Variants in SPATA17 observed in about 807,000 individuals in gnomAD.
SPATA17 encodes spermatogenesis-associated protein 17.
In SPATA17, 53 loss-of-function variants were observed where a neutral mutation model predicts 62.2. That is an observed-to-expected ratio of 0.85 (90% CI 0.68 to 1.07). The LOEUF (loss-of-function observed/expected upper bound fraction) is 1.07, where lower values mean the gene tolerates loss of function less well. SPATA17 is among the 50% of genes least tolerant of loss of function. SPATA17 has a pLI of 0.00. For synonymous variants in SPATA17, 146 were observed against 146.8 expected, an observed-to-expected ratio of 0.99 and a Z score of 0.04; for missense variants, 466 against 425.5, an observed-to-expected ratio of 1.10 and a Z score of -0.84.
chr1:217,749,137 C>G (rs945127560), intron 6 of SPATA17, among the ~76,000 whole-genome samples: 3 of 152,110 alleles, frequency 2.0e-5, no homozygotes, highest in Non-Finnish European at 2.9e-5. Flanking sequence ...GATAGGGAAA[C>G]TCGAGTAATG....
At chr1:217,684,358 A>T (rs2102907110) in intron 5 of SPATA17, among the ~76,000 whole-genome samples, 1 of 152,336 alleles carries the variant, frequency 6.6e-6, no homozygotes, top group African/African-American at 2.4e-5. Flanking sequence ...GTTGGTATTT[A>T]TAGAACAGTC....
intron 6 of SPATA17, among the ~76,000 whole-genome samples, chr1:217,757,875 T>A (rs1242344965): frequency 6.6e-6 from 1 of 152,216 alleles, no homozygotes; most frequent in Admixed American, 6.5e-5. Flanking sequence ...TAGGATCATG[T>A]AAGGATGCTT....
intron 5 of SPATA17, among the ~76,000 whole-genome samples, chr1:217,725,451 T>A (rs951971672): frequency 6.6e-6 from 1 of 152,138 alleles, no homozygotes; most frequent in African/African-American, 2.4e-5. Flanking sequence ...CCAAATTGTG[T>A]TTTTATTTTA....
intron 9 of SPATA17, among the ~76,000 whole-genome samples, chr1:217,807,291 G>A (rs1240208186): frequency 2.6e-5 from 4 of 151,974 alleles, no homozygotes; most frequent in Non-Finnish European, 5.9e-5. Flanking sequence ...GGCAAGGGTT[G>A]AAAAACTACC....
At chr1:217,857,545 G>A (rs563312068) in intron 9 of SPATA17, among the ~76,000 whole-genome samples, 15 of 152,298 alleles carry the variant, frequency 9.8e-5, no homozygotes, top group African/African-American at 2.6e-4. Context: ...TTTCAGAAAA[G>A]CAGTTCCCCA....
intron 5 of SPATA17, among the ~76,000 whole-genome samples, chr1:217,739,781 C>T (rs769702436): frequency 6.6e-6 from 1 of 152,020 alleles, no homozygotes; most frequent in Non-Finnish European, 1.5e-5. Flanking sequence ...GAATGTTTGA[C>T]ATAAATATTA....
intron 6 of SPATA17, among the ~76,000 whole-genome samples, chr1:217,755,658 G>C (rs1313289372): frequency 6.6e-6 from 1 of 151,800 alleles, no homozygotes; most frequent in Non-Finnish European, 1.5e-5. Flanking sequence ...GTAAACATAT[G>C]TATGCATATA....
chr1:217,728,096 A>G (rs757792284), intron 5 of SPATA17, among the ~76,000 whole-genome samples: 11 of 152,198 alleles, frequency 7.2e-5, no homozygotes, highest in South Asian at 2.1e-4. Context: ...TATAAGAAAT[A>G]AAAGAACAGT....
intron 9 of SPATA17, among the ~76,000 whole-genome samples, chr1:217,806,234 T>C (rs1043510362): frequency 2.6e-5 from 4 of 152,230 alleles, no homozygotes; most frequent in African/African-American, 4.8e-5. Context: ...TCCTCTGGGA[T>C]GGCAGGGTCA....
rs770276149 is a variant in SPATA17 at position 217,631,424 on chromosome 1, A to C, written c.46A>C (p.Asn16His). The C allele has an allele frequency of 1.2e-6, 2 of 1,614,164 alleles. No individual in the cohort carries two copies. Among genetic ancestry groups the C allele is most frequent in the South Asian group, 2.2e-5 (2 of 91,084 alleles). ...GCAAGCTAGGTCGTCGACTGTAGGAAATCAGTACTACTTTAGGAACAGGTA... is the reference window on the plus strand; with the variant it reads ...GCAAGCTAGGTCGTCGACTGTAGGACATCAGTACTACTTTAGGAACAGGTA... ...RLQARSSTVG[N>H]QYYFRNSVVD... Residue 16 changes from asparagine to histidine, a missense_variant, in exon 1 of 11, where the codon AAT (asparagine) becomes CAT (histidine). By Grantham distance (68) the Asn-to-His change is moderately conservative (BLOSUM62 1). Coordinates refer to ENST00000366933, the MANE Select transcript of SPATA17 (RefSeq NM_138796.4).
intron 9 of SPATA17, among the ~76,000 whole-genome samples, chr1:217,829,502 C>T (rs1675082120): frequency 6.6e-6 from 1 of 151,666 alleles, no homozygotes; most frequent in South Asian, 2.1e-4. Flanking sequence ...GTGGCCCACA[C>T]CTGTAATCCC....
chr1:217,636,675 C>T (rs1193799671), intron 1 of SPATA17, among the ~76,000 whole-genome samples: 3 of 152,172 alleles, frequency 2.0e-5, no homozygotes, highest in East Asian at 3.9e-4. Context: ...CTGCCCACCT[C>T]GGCCTCCCAA....
chr1:217,655,580 T>C (rs903627686), intron 3 of SPATA17, among the ~76,000 whole-genome samples: 5 of 152,192 alleles, frequency 3.3e-5, no homozygotes, highest in Non-Finnish European at 7.3e-5. Flanking sequence ...TTACTATAGA[T>C]CTTCAACAGT....
intron 5 of SPATA17, among the ~76,000 whole-genome samples, chr1:217,717,628 A>G (rs1163355094): frequency 6.6e-6 from 1 of 152,066 alleles, no homozygotes; most frequent in Admixed American, 6.6e-5. Context: ...ATAATAAGTA[A>G]TTATGTAAAT....
chr1:217,813,814 A>G (rs1351309492), intron 9 of SPATA17, among the ~76,000 whole-genome samples: 3 of 152,032 alleles, frequency 2.0e-5, no homozygotes, highest in Non-Finnish European at 2.9e-5. Flanking sequence ...TTGTATATGC[A>G]TATATTTATA....
chr1:217,786,428 A>G (rs1387834333), intron 8 of SPATA17, among the ~76,000 whole-genome samples: 1 of 152,160 alleles, frequency 6.6e-6, no homozygotes, highest in East Asian at 1.9e-4. Context: ...TGATGATGTG[A>G]AAAGGAAAAC....
At chr1:217,736,206 C>T (rs896353805) in intron 5 of SPATA17, among the ~76,000 whole-genome samples, 2 of 152,026 alleles carry the variant, frequency 1.3e-5, no homozygotes, top group African/African-American at 4.8e-5. Context: ...CATTTGGGCT[C>T]GGGATTGAGC....
At chr1:217,860,448 C>T (rs779887010) in intron 9 of SPATA17, among the ~76,000 whole-genome samples, 2 of 152,058 alleles carry the variant, frequency 1.3e-5, no homozygotes, top group African/African-American at 2.4e-5. Flanking sequence ...TTATATTCTG[C>T]CTGCTGGATC....
rs1676032417 is a variant in SPATA17 at position 217,867,169 on chromosome 1, T to G, written c.*150T>G. ...AGCTCTAGTCATGAATTAATTATTGTGTGTATGTATTTGAAATCTCTTAGA... is the reference window on the plus strand; with the variant it reads ...AGCTCTAGTCATGAATTAATTATTGGGTGTATGTATTTGAAATCTCTTAGA... On this transcript the variant is annotated 3_prime_UTR_variant, in exon 11 of 11. Coordinates refer to ENST00000366933, the MANE Select transcript of SPATA17 (RefSeq NM_138796.4). The G allele has an allele frequency of 6.6e-6, 1 of 152,204 alleles. No homozygotes were observed. Among genetic ancestry groups the G allele is most frequent in the African/African-American group, 2.4e-5 (1 of 41,452 alleles). The allele number at this position is 152,204 out of a possible 1,614,324, so 9.4% of individuals were successfully genotyped here.
Sources: gnomAD v4.1 joint callset for allele counts (sites outside exome capture counted in the v4.1 genomes callset) on GRCh38, gnomAD v4.1.1 for gene constraint, MANE v1.5 for transcripts, NCBI Gene and HGNC (gene_info 2026-07-23, HGNC 2026-07-21) for gene names.